RHOT2: variants seen among roughly 807,000 people sequenced by gnomAD.
RHOT2 encodes the protein mitochondrial Rho GTPase 2.
Under a neutral mutation model 81.6 loss-of-function variants are expected in RHOT2, and 90 were observed. The ratio of observed to expected loss-of-function variants is 1.10; its 90% CI spans 0.93 to 1.31. RHOT2 has a LOEUF of 1.31. RHOT2 is among the 40% of genes most tolerant of loss of function. RHOT2 has a pLI of 0.00. For missense variants in RHOT2, 1,014 were observed against 841.9 expected (o/e 1.20, Z -2.53); for synonymous variants, 512 against 370.9 (o/e 1.38, Z -4.37).
rs769839120 is a variant in RHOT2 at position 671,713 on chromosome 16, G to C, written c.886G>C (p.Gly296Arg). ...YLSPLIHVPPGCSTELNHLGY... is the reference protein window; with the variant it reads ...YLSPLIHVPPRCSTELNHLGY... The stretch of plus-strand genomic sequence containing the variant: ...TCCCTGCAGGATCCACGTGCCCCCC[G>C]GCTGCAGCACGGAGCTCAACCACCT... The change falls in exon 12 of 19, where the codon GGC (glycine) becomes CGC (arginine). Residue 296 changes from glycine (G) to arginine (R), a missense_variant. Coordinates refer to ENST00000315082, the MANE Select transcript of RHOT2 (RefSeq NM_138769.3). The C allele has an allele frequency of 3.1e-6, 5 of 1,612,260 alleles. No homozygotes were observed. The highest frequency in any genetic ancestry group is 4.2e-6 in the Non-Finnish European group (5 of 1,179,656).
At chr16:669,395 G>GT (rs2038517236) in intron 4 of RHOT2, 158 bp from the exon 5 acceptor site, 1 of 687,990 alleles carries the variant, frequency 1.5e-6, no homozygotes, top group African/African-American at 1.8e-5. Context: ...CTGGAGGCAG[G>GT]TTTTAGGGAA....
rs751510377 is a variant in RHOT2 at position 671,017 on chromosome 16, G to A, written c.748+17G>A. 1.7e-5 allele frequency: 28 copies of A among 1,601,796 alleles called. No individual in the cohort carries two copies. The highest frequency in any genetic ancestry group is 6.8e-5 in the Admixed American group (4 of 59,192). ...CCCTGGATGGTGAGGCCGGGTGCCC[G>A]CCTGTGCCTGGGGAGTGTGGGGAGG... On this transcript the variant is annotated intron_variant, in intron 10 of 18. Coordinates refer to ENST00000315082, the MANE Select transcript of RHOT2 (RefSeq NM_138769.3).
At chr16:672,035 C>T (rs745590271) in intron 13 of RHOT2, 33 bp downstream of exon 13, 3 of 1,611,878 alleles carry the variant, frequency 1.9e-6, no homozygotes, top group Admixed American at 1.7e-5. Context: ...CCGCCTGCCG[C>T]ACCACCCTCC....
chr16:668,346 C>G lies in RHOT2; in HGVS notation c.38-7C>G, dbSNP rs1347750570. On this transcript the variant is annotated splice_region_variant and splice_polypyrimidine_tract_variant and intron_variant, in intron 1 of 18. Coordinates refer to ENST00000315082, the MANE Select transcript of RHOT2 (RefSeq NM_138769.3). Reference sequence around the variant, plus strand: ...GGCCCTCGCGCTGACCGCCTCGCCCCGCGCAGCCCAGGTGGGGAAGACGTC... The same window carrying G: ...GGCCCTCGCGCTGACCGCCTCGCCCGGCGCAGCCCAGGTGGGGAAGACGTC... 1.4e-6 allele frequency: 2 copies of G among 1,397,070 alleles called. No individual in the cohort carries two copies. The highest frequency in any genetic ancestry group is 3.5e-5 in the Admixed American group (1 of 28,574). 86.5% of individuals were successfully genotyped at this position (1,397,070 alleles called of 1,614,324 possible). A position where few individuals can be genotyped will look rare whatever the true frequency, so the allele number is the denominator to read the frequency against.
intron 4 of RHOT2, 49 bp from the exon 5 acceptor site, chr16:669,504 G>T: frequency 1.3e-6 from 2 of 1,598,286 alleles, no homozygotes; most frequent in Non-Finnish European, 8.5e-7. Context: ...AGGGTCGTCG[G>T]TGGTGAGCCA....
At chr16:668,800 G>T (rs968052303) in intron 4 of RHOT2, 101 bp downstream of exon 4, 13 of 1,307,540 alleles carry the variant, frequency 9.9e-6, no homozygotes, top group Non-Finnish European at 1.0e-5. Flanking sequence ...GGTGTCCTTG[G>T]CCCTGATAAT....
Position 670,725 on chromosome 16 carries a change from T to A in RHOT2, c.591T>A (p.Asp197Glu). The A allele has an allele frequency of 6.2e-7, 1 of 1,612,478 alleles. No individual in the cohort carries two copies. The highest frequency in any genetic ancestry group is 8.5e-7 in the Non-Finnish European group (1 of 1,179,948). The change falls in exon 9 of 19, where the codon GAT becomes GAA. Residue 197 changes from aspartate to glutamate, a missense_variant. Coordinates refer to ENST00000315082, the MANE Select transcript of RHOT2 (RefSeq NM_138769.3). Reference sequence around the variant, plus strand: ...TGACGCGCATCTTCAGGCTCTCAGATCAGGACCTGGACCAGGCGCTCAGTG... The same window carrying A: ...TGACGCGCATCTTCAGGCTCTCAGAACAGGACCTGGACCAGGCGCTCAGTG... ...QALTRIFRLS[D>E]QDLDQALSDE... is the part of the protein sequence containing the mutation.
chr16:669,474 C>T, intron 4 of RHOT2, 79 bp from the exon 5 acceptor site: 8 of 1,465,384 alleles, frequency 5.5e-6, no homozygotes, highest in South Asian at 1.2e-5. Flanking sequence ...CCTGGAGCCT[C>T]GAGATGGCGT....
intron 1 of RHOT2, 35 bp downstream of exon 1, chr16:668,271 G>T: frequency 1.0e-6 from 1 of 999,484 alleles, no homozygotes; most frequent in Non-Finnish European, 1.4e-6. Flanking sequence ...GAGCTGCGGC[G>T]GCCGTGAGGC....
intron 4 of RHOT2, chr16:669,343 C>A: frequency 1.7e-6 from 1 of 599,610 alleles, no homozygotes; most frequent in Non-Finnish European, 3.0e-6. Flanking sequence ...AGCAGCAGCT[C>A]CCAGTGTGAC....
In RHOT2 at chr16:672,913, ACT is replaced by A. The variant is rs756235098; in HGVS notation, c.1528-10_1528-9del. 7 of 1,611,722 alleles carry A rather than the reference ACT, an allele frequency of 4.3e-6. No individual in the cohort carries two copies. Among genetic ancestry groups the A allele is most frequent in the East Asian group, 2.2e-5 (1 of 44,792 alleles). On this transcript the variant is annotated splice_polypyrimidine_tract_variant and intron_variant, in intron 17 of 18. Transcript: ENST00000315082. ...CCACCCCAGGACTGTACCTCATACC[ACT>A]CTCTGCCCACAGCACCATTACATGG...
At chr16:668,096 G>T (rs910629689), upstream of RHOT2, 6 of 416,336 alleles carry the variant, frequency 1.4e-5, no homozygotes, top group Non-Finnish European at 2.1e-5. Flanking sequence ...GACAGCGCGG[G>T]GCCGAGAACC....
At position 671,658 on chromosome 16, in the gene RHOT2, A is replaced by C. The variant is rs1342889631; in HGVS notation, c.870-39A>C. 2.5e-6 allele frequency: 4 copies of C among 1,590,410 alleles called. No individual in the cohort carries two copies. In the African/African-American group the frequency reaches 5.4e-5, roughly 21 times the overall value. Reference sequence around the variant, plus strand: ...AGATGGGCTGAGCGTGGTGCTGCAGAGTCTCCTGGGAGCTAGACGGGCTGT... The same window carrying C: ...AGATGGGCTGAGCGTGGTGCTGCAGCGTCTCCTGGGAGCTAGACGGGCTGT... On this transcript the variant is annotated intron_variant, in intron 11 of 18. Coordinates refer to ENST00000315082, the MANE Select transcript of RHOT2 (RefSeq NM_138769.3).
chr16:671,008 C>A lies in RHOT2; in HGVS notation c.748+8C>A. On this transcript the variant is annotated splice_region_variant and intron_variant, in intron 10 of 18. Coordinates refer to ENST00000315082, the MANE Select transcript of RHOT2 (RefSeq NM_138769.3). ...ACCGGCTGACCCTGGATGGTGAGGC[C>A]GGGTGCCCGCCTGTGCCTGGGGAGT... 6.3e-7 allele frequency: 1 copy of A among 1,595,414 alleles called. No individual in the cohort carries two copies. Among genetic ancestry groups the A allele is most frequent in the Non-Finnish European group, 8.5e-7 (1 of 1,172,582 alleles).
intron 9 of RHOT2, 52 bp from the exon 10 acceptor site, chr16:670,840 G>T: frequency 6.3e-7 from 1 of 1,594,818 alleles, no homozygotes. Flanking sequence ...TGACTGGAAC[G>T]GGTCGTCTCC....
chr16:671,566 G>A, intron 11 of RHOT2, 131 bp from the exon 12 acceptor site: 2 of 997,738 alleles, frequency 2.0e-6, no homozygotes, highest in Admixed American at 2.4e-5. Context: ...GCAAGGTCGG[G>A]GGCGTACAGG....
intron 1 of RHOT2, 35 bp downstream of exon 1, chr16:668,271 G>A (rs2038247194): frequency 2.0e-6 from 2 of 999,488 alleles, no homozygotes; most frequent in South Asian, 5.0e-5. Context: ...GAGCTGCGGC[G>A]GCCGTGAGGC....
chr16:672,726 T>A lies in RHOT2; in HGVS notation c.1428T>A (p.Gly476=). 1 of 1,612,438 alleles carries A rather than the reference T, an allele frequency of 6.2e-7. No homozygotes were observed. The highest frequency in any genetic ancestry group is 8.5e-7 in the Non-Finnish European group (1 of 1,179,974). ...YLILCEVGTD[G]LLATSLDATC... is the part of the protein sequence containing the mutation. ...AGCTCTGTGAGGTGGGCACAGATGGTCTGCTGGCCACATCGCTGGACGCCA... is the reference window on the plus strand; with the variant it reads ...AGCTCTGTGAGGTGGGCACAGATGGACTGCTGGCCACATCGCTGGACGCCA... The change falls in exon 17 of 19, where the codon GGT becomes GGA. Residue 476 remains glycine, a synonymous_variant. Transcript: ENST00000315082.
At chr16:671,462 G>A in intron 11 of RHOT2, 1 of 722,572 alleles carries the variant, frequency 1.4e-6, no homozygotes, top group South Asian at 2.0e-5. Context: ...TGTTTACCCT[G>A]CTGGGGTCGG....
Sources: allele counts gnomAD v4.1 joint callset, GRCh38; gene constraint gnomAD v4.1.1; transcripts MANE v1.5; gene names NCBI Gene and HGNC (gene_info 2026-07-23, HGNC 2026-07-21).